Variants in RTN4IP1 observed in about 807,000 individuals in gnomAD.
RTN4IP1 encodes reticulon 4 interacting protein 1.
Under a neutral mutation model 46.6 loss-of-function variants are expected in RTN4IP1, and 32 were observed. The observed-to-expected ratio is 0.69, with a 90% CI of 0.52 to 0.92. The LOEUF is 0.92. Among genes scored for constraint, RTN4IP1 ranks in the 40% least tolerant of loss-of-function variants. The pLI is 0.00. For missense variants in RTN4IP1, 424 were observed against 485.8 expected, an observed-to-expected ratio of 0.87 and a Z score of 1.20; for synonymous variants, 167 against 161.8, an observed-to-expected ratio of 1.03 and a Z score of -0.24.
intron 5 of RTN4IP1, among the ~76,000 whole-genome samples, chr6:106,600,480 A>C (rs1775915885): frequency 6.6e-6 from 1 of 152,122 alleles, no homozygotes; most frequent in Non-Finnish European, 1.5e-5. Flanking sequence ...TCTCTAGTAC[A>C]CTCACAATGT....
At chr6:106,628,226 G>C (rs1330325336) in intron 1 of RTN4IP1, among the ~76,000 whole-genome samples, 7 of 152,012 alleles carry the variant, frequency 4.6e-5, no homozygotes, top group Non-Finnish European at 7.4e-5. Context: ...CCAGCACTTA[G>C]GGGGCGGAGG....
intron 4 of RTN4IP1, among the ~76,000 whole-genome samples, chr6:106,616,107 C>T (rs1222627778): frequency 2.0e-5 from 3 of 152,060 alleles, no homozygotes; most frequent in Non-Finnish European, 4.4e-5. Flanking sequence ...TTAGTAGCGA[C>T]GGGGTTTCAC....
In RTN4IP1 at chr6:106,628,840, T is replaced by C. The variant is rs1350372993; in HGVS notation, c.182A>G (p.Gln61Arg). Residue 61 changes from glutamine (Q) to arginine (R), a missense_variant, in exon 1 of 9, where the codon CAG becomes CGG. Transcript: ENST00000369063. ...GTGTATGATAGGCATCATCATGTTC[T>C]GAGTGAATCGAAGCACTTCATTCTT... ...YGKNEVLRFT[Q>R]NMMMPIIHYP... The C allele has an allele frequency of 1.2e-6, 2 of 1,614,184 alleles. No homozygotes were observed. The highest frequency in any genetic ancestry group is 3.3e-5 in the Admixed American group (2 of 60,032).
chr6:106,617,955 C>A (rs1776393557), intron 4 of RTN4IP1, among the ~76,000 whole-genome samples: 1 of 152,102 alleles, frequency 6.6e-6, no homozygotes, highest in Admixed American at 6.5e-5. Flanking sequence ...TAAGAGAAAC[C>A]ATTAGAAAAA....
intron 5 of RTN4IP1, among the ~76,000 whole-genome samples, chr6:106,598,584 T>C (rs550737544): frequency 3.9e-5 from 6 of 151,990 alleles, no homozygotes; most frequent in East Asian, 1.9e-4. Context: ...TCATTGTAGA[T>C]TCTGGATATT....
intron 4 of RTN4IP1, among the ~76,000 whole-genome samples, chr6:106,608,545 T>C (rs2114663648): frequency 6.6e-6 from 1 of 152,356 alleles, no homozygotes; most frequent in South Asian, 2.1e-4. Flanking sequence ...ATGCTGATTG[T>C]TCTGATTTGA....
chr6:106,582,773 C>T (rs1054666096), intron 8 of RTN4IP1, among the ~76,000 whole-genome samples: 4 of 152,116 alleles, frequency 2.6e-5, no homozygotes, highest in Non-Finnish European at 5.9e-5. Flanking sequence ...ATCCAAAAAA[C>T]GATGACCAGA....
At chr6:106,620,475 G>A (rs954238813) in intron 3 of RTN4IP1, among the ~76,000 whole-genome samples, 1 of 152,118 alleles carries the variant, frequency 6.6e-6, no homozygotes, top group Non-Finnish European at 1.5e-5. Flanking sequence ...TTTTAGGGGA[G>A]TCAAAAGATG....
intron 5 of RTN4IP1, among the ~76,000 whole-genome samples, chr6:106,602,393 T>C (rs957610584): frequency 1.3e-5 from 2 of 152,214 alleles, no homozygotes; most frequent in African/African-American, 4.8e-5. Flanking sequence ...AATTTTAGAA[T>C]CAGCTTACCA....
intron 1 of RTN4IP1, 79 bp downstream of exon 1, chr6:106,628,654 TGTAAACCAAAGAAGC>T: frequency 8.4e-7 from 1 of 1,187,310 alleles, no homozygotes; most frequent in South Asian, 1.6e-5. Context: ...GATTCATTTA[TGTAAACCAAAGAAGC>T]GTAGTCAATT....
At chr6:106,590,154 A>C (rs546638497) in intron 6 of RTN4IP1, among the ~76,000 whole-genome samples, 15 of 151,196 alleles carry the variant, frequency 9.9e-5, no homozygotes, top group African/African-American at 3.6e-4. Context: ...TATCTCCACA[A>C]AAAAAAAATT....
chr6:106,614,850 A>T lies in RTN4IP1; in HGVS notation c.620+4352T>A, dbSNP rs561448566. Among the ~76,000 whole-genome samples, 314 of 152,294 alleles carry T rather than the reference A, an allele frequency of 2.1e-3. 1 individual carries two copies. Among genetic ancestry groups the T allele is most frequent in the Admixed American group, 3.8e-3 (58 of 15,302 alleles). On this transcript the variant is annotated intron_variant, in intron 4 of 8. Coordinates refer to ENST00000369063, the MANE Select transcript of RTN4IP1 (RefSeq NM_032730.5). ...ATTACAGTCCATTGAAGAGTAAATG[A>T]CTTGTAACCTCACGAGATAGTTAAC...
intron 8 of RTN4IP1, among the ~76,000 whole-genome samples, chr6:106,581,259 C>A (rs1775364197): frequency 6.6e-6 from 1 of 152,148 alleles, no homozygotes; most frequent in Non-Finnish European, 1.5e-5. Flanking sequence ...AAAGAGTTGG[C>A]TCTGTTGTTT....
At chr6:106,620,226 T>C (rs1255669209) in intron 3 of RTN4IP1, among the ~76,000 whole-genome samples, 2 of 152,104 alleles carry the variant, frequency 1.3e-5, no homozygotes, top group African/African-American at 2.4e-5. Flanking sequence ...TGCCTCAGCC[T>C]CCCAAGTAGC....
At chr6:106,619,610 T>C (rs1776434542) in intron 3 of RTN4IP1, among the ~76,000 whole-genome samples, 1 of 124,148 alleles carries the variant, frequency 8.1e-6, no homozygotes, top group Non-Finnish European at 1.5e-5. Context: ...TTCTTCATTT[T>C]TTTTTTTTTT....
chr6:106,583,967 C>T (rs1041181557), intron 7 of RTN4IP1, among the ~76,000 whole-genome samples: 11 of 152,160 alleles, frequency 7.2e-5, no homozygotes, highest in Admixed American at 1.3e-4. Flanking sequence ...TTATACATCA[C>T]GGCTGAATCT....
At chr6:106,593,768 T>C (rs539661012) in intron 5 of RTN4IP1, among the ~76,000 whole-genome samples, 20 of 152,326 alleles carry the variant, frequency 1.3e-4, no homozygotes, top group African/African-American at 4.1e-4. Context: ...CTGTGGGGAA[T>C]TGAAATATTT....
chr6:106,588,041 A>G (rs937289002), intron 6 of RTN4IP1, among the ~76,000 whole-genome samples, 179 bp from the exon 7 acceptor site: 2 of 152,202 alleles, frequency 1.3e-5, no homozygotes, highest in South Asian at 4.1e-4. Flanking sequence ...GGACATACTC[A>G]TTCACTGGAT....
At chr6:106,578,955 A>T (rs1166502851) in intron 8 of RTN4IP1, among the ~76,000 whole-genome samples, 1 of 151,426 alleles carries the variant, frequency 6.6e-6, no homozygotes, top group African/African-American at 2.4e-5. Context: ...TATAAAAACC[A>T]GCTGGGCGTG....
Sources: allele counts gnomAD v4.1 joint callset (sites outside exome capture counted in the v4.1 genomes callset), GRCh38; gene constraint gnomAD v4.1.1; transcripts MANE v1.5; gene names NCBI Gene and HGNC (gene_info 2026-07-23, HGNC 2026-07-21).